Variants in THAP9 observed in about 807,000 individuals in gnomAD.
The protein encoded by THAP9 is DNA transposase THAP9.
A neutral mutation model predicts 35.7 loss-of-function variants in THAP9; 20 were observed. The observed-to-expected ratio is 0.56, with a 90% confidence interval of 0.39 to 0.81. The LOEUF (loss-of-function observed/expected upper bound fraction) is 0.81. Ranked by LOEUF, THAP9 falls within the 40% of genes least tolerant of loss-of-function variation. The probability of loss-of-function intolerance (pLI) is 0.00; values close to 1 mark genes in which losing one functional copy is unlikely to be tolerated. For missense variants in THAP9, 870 were observed against 1,047.4 expected (o/e 0.83, Z 2.34); for synonymous variants, 335 against 373.7 (o/e 0.90, Z 1.19).
chr4:82,914,318 A>C (rs1720969722), intron 4 of THAP9, among the ~76,000 whole-genome samples: 1 of 152,192 alleles, frequency 6.6e-6, no homozygotes, highest in South Asian at 2.1e-4. Context: ...ATGGTAGAAT[A>C]ATTTATATTC....
In THAP9 at chr4:82,917,154, AACGCC is replaced by A; in HGVS notation, c.945_949del (p.Pro316CysfsTer43). 1.2e-6 allele frequency: 2 copies of A among 1,613,576 alleles called. No homozygotes were observed. The highest frequency in any genetic ancestry group is 1.7e-6 in the Non-Finnish European group (2 of 1,179,694). Reference sequence around the variant, plus strand: ...GTCTTGGAAAACTTGATGCTGATGAAACGCCACTTGCTTCAGAAACTGTTTTGTTA... The same window carrying A: ...GTCTTGGAAAACTTGATGCTGATGAAACTTGCTTCAGAAACTGTTTTGTTA... On this transcript the variant is annotated frameshift_variant, in exon 5 of 5. Coordinates refer to ENST00000302236, the MANE Select transcript of THAP9 (RefSeq NM_024672.6). LOFTEE classifies it low-confidence loss of function (END_TRUNC).
chr4:82,900,906 G>A lies in THAP9; in HGVS notation c.80+24G>A, dbSNP rs1346208519. The A allele has an allele frequency of 3.1e-6, 5 of 1,611,974 alleles. No homozygotes were observed. In the African/African-American group the frequency reaches 4.0e-5, roughly 13 times the overall value. ...CAGTGCGTATGGGAGCAGCCTCGAAGCCTTCGAACTCCCTGCGGGGCCCGG... is the reference window on the plus strand; with the variant it reads ...CAGTGCGTATGGGAGCAGCCTCGAAACCTTCGAACTCCCTGCGGGGCCCGG... On this transcript the variant is annotated intron_variant, in intron 1 of 4. Coordinates refer to ENST00000302236, the MANE Select transcript of THAP9 (RefSeq NM_024672.6).
Position 82,906,331 on chromosome 4 carries a change from A to G in THAP9, c.284A>G (p.Gln95Arg). The G allele has an allele frequency of 1.9e-6, 3 of 1,579,860 alleles. No homozygotes were observed. Among genetic ancestry groups the G allele is most frequent in the Non-Finnish European group, 2.6e-6 (3 of 1,164,968 alleles). The change falls in exon 3 of 5, where the codon CAA becomes CGA. Residue 95 changes from glutamine (Q) to arginine (R), a missense_variant. Gln to Arg is a conservative substitution (Grantham distance 43, BLOSUM62 1). This residue lies in a region of THAP9 where 440 missense variants were observed against 501.2 expected (regional missense o/e 0.88). Transcript: ENST00000302236. ...TTTATATATCTGTCATAGATTCCTC[A>G]AGGTGTACATCTTAAAGGTAAAGCA... ...VPSVSLYKIP[Q>R]GVHLKGKARQ...
rs1407156498 is a variant in THAP9, at chr4:82,900,972, T to G, written c.80+90T>G. 2.0e-6 allele frequency: 3 copies of G among 1,472,986 alleles called. No individual in the cohort carries two copies. In the Admixed American group the frequency reaches 5.7e-5, roughly 28 times the overall value. The allele number at this position is 1,472,986 out of a possible 1,614,324, so 91.2% of individuals were successfully genotyped here. A position where few individuals can be genotyped will look rare whatever the true frequency, so the allele number is the denominator to read the frequency against. ...CGTGGGGCGGGGCCGGGCCGCACTG[T>G]GGGTCGCGCCGCGTGTGTGACGCGA... On this transcript the variant is annotated intron_variant, in intron 1 of 4. Transcript: ENST00000302236.
intron 1 of THAP9, chr4:82,901,099 C>T (rs1280678196): frequency 1.4e-6 from 1 of 703,988 alleles, no homozygotes; most frequent in Non-Finnish European, 2.6e-6. Context: ...ATAGCCGGTT[C>T]TCGCACCGCC....
chr4:82,903,169 A>T (rs1489810632), intron 1 of THAP9, among the ~76,000 whole-genome samples: 1 of 152,262 alleles, frequency 6.6e-6, no homozygotes, highest in Non-Finnish European at 1.5e-5. Flanking sequence ...AACGTCAAAG[A>T]AGAAGGGGCA....
At chr4:82,901,310 G>T in intron 1 of THAP9, 1 of 382,394 alleles carries the variant, frequency 2.6e-6, no homozygotes, top group Non-Finnish European at 5.2e-6. Flanking sequence ...TAGCCGAGCT[G>T]TGCAAGGCCG....
rs1721161106 is a variant in THAP9 at position 82,919,369 on chromosome 4, A to T, written c.*445A>T. ...TGACAATACCTATAAAACTTTGAAG[A>T]TAACTTTTACTTAAATATGAAAATT... On this transcript the variant is annotated 3_prime_UTR_variant, in exon 5 of 5. Transcript: ENST00000302236. 6.6e-6 allele frequency: 1 copy of T among 152,464 alleles called. No homozygotes were observed. Among genetic ancestry groups the T allele is most frequent in the Non-Finnish European group, 1.5e-5 (1 of 68,250 alleles). 9.4% of individuals were successfully genotyped at this position (152,464 alleles called of 1,614,324 possible).
Position 82,917,746 on chromosome 4 carries a change from C to T in THAP9, c.1534C>T (p.Arg512Cys), listed in dbSNP as rs751938951. The change falls in exon 5 of 5, where the codon CGT becomes TGT. Residue 512 changes from arginine (R) to cysteine (C), a missense_variant. Arg to Cys is a radical substitution (Grantham distance 180). This residue lies in a region of THAP9 where 414 missense variants were observed against 500.8 expected (regional missense o/e 0.83). Coordinates refer to ENST00000302236, the MANE Select transcript of THAP9 (RefSeq NM_024672.6). ...QNCIGTIHFLRLINNLFDIFN... is the reference protein window; with the variant it reads ...QNCIGTIHFLCLINNLFDIFN... ...CTGTATTGGTACCATCCATTTTTTA[C>T]GTTTAATTAACAATCTGTTTGACAT... The T allele has an allele frequency of 5.0e-6, 8 of 1,613,822 alleles. No individual in the cohort carries two copies. Among genetic ancestry groups the T allele is most frequent in the Non-Finnish European group, 5.9e-6 (7 of 1,179,894 alleles).
chr4:82,907,794 G>A lies in THAP9; in HGVS notation c.590G>A (p.Trp197Ter), dbSNP rs771048858. 3 of 1,576,926 alleles carry A rather than the reference G, an allele frequency of 1.9e-6. No homozygotes were observed. Among genetic ancestry groups the A allele is most frequent in the Admixed American group, 2.0e-5 (1 of 49,862 alleles). ...LLRAQFSDFK[W>*]ELYNWRETDE... The stretch of plus-strand genomic sequence containing the variant: ...AAATTTATTTTAACAGATTTTAAGT[G>A]GGAGTTATATAATTGGAGAGAAACA... The change falls in exon 4 of 5, where the codon TGG becomes TAG. Residue 197 changes from tryptophan to a stop codon, truncating the protein, a stop_gained. Coordinates refer to ENST00000302236, the MANE Select transcript of THAP9 (RefSeq NM_024672.6). LOFTEE classifies it high-confidence loss of function.
At chr4:82,909,948 A>C (rs1720806427) in intron 4 of THAP9, 1 of 152,118 alleles carries the variant, frequency 6.6e-6, no homozygotes, top group Non-Finnish European at 1.5e-5. Context: ...TTATAAATCC[A>C]AACATTTATC....
In THAP9 at chr4:82,918,198, A is replaced by T. The variant is rs1420377721; in HGVS notation, c.1986A>T (p.Ser662=). The T allele has an allele frequency of 1.2e-6, 2 of 1,614,092 alleles. No individual in the cohort carries two copies. Among genetic ancestry groups the T allele is most frequent in the Non-Finnish European group, 1.7e-6 (2 of 1,180,018 alleles). ...GCAAAGTAAGCATCTTTGACATTTC[A>T]ATTGCTCGAAGGAAAGACTTGGCGC... ...FLSKVSIFDI[S]IARRKDLALW... Residue 662 remains serine (S), a synonymous_variant, in exon 5 of 5, where the codon TCA becomes TCT. Coordinates refer to ENST00000302236, the MANE Select transcript of THAP9 (RefSeq NM_024672.6).
Position 82,906,384 on chromosome 4 carries a change from C to A in THAP9, c.337C>A (p.Pro113Thr), listed in dbSNP as rs768669579. 13 of 1,613,022 alleles carry A rather than the reference C, an allele frequency of 8.1e-6. No individual in the cohort carries two copies. In the Admixed American group the frequency reaches 2.0e-4, roughly 25 times the overall value. The change falls in exon 3 of 5, where the codon CCA becomes ACA. Residue 113 changes from proline (P) to threonine (T), a missense_variant. Pro to Thr is a conservative substitution (Grantham distance 38). This residue lies in a region of THAP9 where 440 missense variants were observed against 501.2 expected (regional missense o/e 0.88). Transcript: ENST00000302236. ...ARQKILKQPLPDNSQEVATED... is the reference protein window; with the variant it reads ...ARQKILKQPLTDNSQEVATED... Reference sequence around the variant, plus strand: ...ACAAAAAATCCTAAAACAACCTCTTCCAGACAATTCTCAAGAAGTTGCTAC... The same window carrying A: ...ACAAAAAATCCTAAAACAACCTCTTACAGACAATTCTCAAGAAGTTGCTAC...
intron 2 of THAP9, 142 bp downstream of exon 2, chr4:82,905,073 T>G (rs1720588301): frequency 3.1e-6 from 2 of 651,624 alleles, no homozygotes; most frequent in South Asian, 5.1e-5. Context: ...GCTTTGAAAA[T>G]TTAAAAAAAA....
intron 2 of THAP9, among the ~76,000 whole-genome samples, chr4:82,905,437 C>T (rs920951517): frequency 1.6e-4 from 24 of 151,894 alleles, no homozygotes; most frequent in Non-Finnish European, 5.9e-5. Context: ...ATCCTTTTAC[C>T]CCTTAACCAC....
At chr4:82,904,058 C>CTTTTT (rs59655406) in intron 1 of THAP9, among the ~76,000 whole-genome samples, 55 of 82,186 alleles carry the variant, frequency 6.7e-4, no homozygotes, top group Non-Finnish European at 8.6e-4. Flanking sequence ...TAGGCTCCCC[C>CTTTTT]TTTTTTTTTT....
chr4:82,904,826 A>G lies in THAP9; in HGVS notation c.171A>G (p.Pro57=), dbSNP rs773566526. ...PRSKKIWIPG[P]GAILCSKHFQ... Reference sequence around the variant, plus strand: ...GCAAAAAGATTTGGATTCCAGGACCAGGTGCTATACTGTGTTCCAAACATT... The same window carrying G: ...GCAAAAAGATTTGGATTCCAGGACCGGGTGCTATACTGTGTTCCAAACATT... The change falls in exon 2 of 5, where the codon CCA becomes CCG. Residue 57 remains proline (P), a synonymous_variant. Transcript: ENST00000302236. 1.9e-6 allele frequency: 3 copies of G among 1,614,028 alleles called. No individual in the cohort carries two copies. The highest frequency in any genetic ancestry group is 2.5e-6 in the Non-Finnish European group (3 of 1,180,012).
In THAP9 at chr4:82,902,366, G is replaced by T. The variant is rs575086637; in HGVS notation, c.80+1484G>T. On this transcript the variant is annotated intron_variant, in intron 1 of 4. Transcript: ENST00000302236. ...GCATGAGCCACCCTGCCCAGCCCCAGCCTTTTTCATAGCATTTTACGCATA... is the reference window on the plus strand; with the variant it reads ...GCATGAGCCACCCTGCCCAGCCCCATCCTTTTTCATAGCATTTTACGCATA... Among the ~76,000 whole-genome samples the T allele has an allele frequency of 4.6e-5, 7 of 151,470 alleles. No homozygotes were observed. In the East Asian group the frequency reaches 1.4e-3, roughly 29 times the overall value.
At chr4:82,908,993 G>A (rs536809851) in intron 4 of THAP9, among the ~76,000 whole-genome samples, 5 of 151,632 alleles carry the variant, frequency 3.3e-5, no homozygotes, top group East Asian at 1.9e-4. Flanking sequence ...TGCAACCTCC[G>A]CCTCCCAGGT....
Sources: gnomAD v4.1 joint callset for allele counts (sites outside exome capture counted in the v4.1 genomes callset) on GRCh38, gnomAD v4.1.1 for gene constraint, gnomAD v4.1.1 regional missense constraint, MANE v1.5 for transcripts, NCBI Gene and HGNC (gene_info 2026-07-23, HGNC 2026-07-21) for gene names.